The following BCR variants were observed in gnomAD, a reference collection of about 807,000 sequenced individuals.
BCR encodes the protein breakpoint cluster region protein.
BCR carries 58 observed loss-of-function variants against 138.6 expected under a neutral mutation model. The ratio of observed to expected loss-of-function variants is 0.42; its 90% CI spans 0.34 to 0.52. The LOEUF is 0.52. Among genes scored for constraint, BCR ranks in the 20% least tolerant of loss-of-function variants. The pLI, the probability that BCR is intolerant of heterozygous loss-of-function variation, is 0.06. For synonymous variants in BCR, 786 were observed against 730.1 expected, an observed-to-expected ratio of 1.08 and a Z score of -1.23; for missense variants, 1,599 against 1,727.2, an observed-to-expected ratio of 0.93 and a Z score of 1.32.
chr22:23,200,765 G>A (rs1602007586), intron 1 of BCR, among the ~76,000 whole-genome samples: 1 of 151,792 alleles, frequency 6.6e-6, no homozygotes, highest in Admixed American at 6.6e-5. Flanking sequence ...TCTTCATGTT[G>A]CCCGTGCCAG....
Position 23,290,429 on chromosome 22 carries a change from G to A in BCR, c.2782+16G>A. On this transcript the variant is annotated intron_variant, in intron 14 of 22. Transcript: ENST00000305877. The stretch of plus-strand genomic sequence containing the variant: ...CAGAGTTCAAGTAAGTACTGGTTTG[G>A]GGAGGAGGGTTGCAGCGGCCGAGCC... 6.2e-7 allele frequency: 1 copy of A among 1,612,786 alleles called. No individual in the cohort carries two copies.
At chr22:23,223,829 C>G (rs2072857719) in intron 1 of BCR, among the ~76,000 whole-genome samples, 1 of 152,164 alleles carries the variant, frequency 6.6e-6, no homozygotes, top group Admixed American at 6.5e-5. Flanking sequence ...ATTGCTGTCC[C>G]CCCTGTAATG....
In BCR at chr22:23,285,084, C is replaced by T; in HGVS notation, c.2289C>T (p.Ser763=). The part of the protein sequence containing the change: ...CKWYIPLTDL[S]FQMVDELEAV... ...GGTACATTCCGCTCACGGATCTCAG[C>T]TTCCAGATGGTGGATGAACTGGAGG... Residue 763 remains serine, a synonymous_variant, in exon 10 of 23, where the codon AGC becomes AGT. Coordinates refer to ENST00000305877, the MANE Select transcript of BCR (RefSeq NM_004327.4). The T allele has an allele frequency of 6.2e-7, 1 of 1,614,152 alleles. No homozygotes were observed. The highest frequency in any genetic ancestry group is 8.5e-7 in the Non-Finnish European group (1 of 1,180,026).
rs536535912 is a variant in BCR at position 23,236,293 on chromosome 22, G to A, written c.1280-17506G>A. Among the ~76,000 whole-genome samples the A allele has an allele frequency of 2.6e-5, 4 of 152,340 alleles. No individual in the cohort carries two copies. The South Asian group carries it at 8.3e-4, about 32-fold the overall frequency. ...CATGGCTACCTCCTCCCCACCTGCAGCCTCATCTCCACCCTGCCGCACTCT... is the reference window on the plus strand; with the variant it reads ...CATGGCTACCTCCTCCCCACCTGCAACCTCATCTCCACCCTGCCGCACTCT... On this transcript the variant is annotated intron_variant, in intron 1 of 22. Coordinates refer to ENST00000305877, the MANE Select transcript of BCR (RefSeq NM_004327.4).
rs201471497 is a variant in BCR, at chr22:23,181,664, C to T, written c.704C>T (p.Ser235Phe). The change falls in exon 1 of 23, where the codon TCC (serine) becomes TTC (phenylalanine). Residue 235 changes from serine (S) to phenylalanine (F), a missense_variant. Around this residue, in one of 4 missense-constraint regions of BCR, gnomAD observed 806 missense variants for 635.0 expected, o/e 1.27. Transcript: ENST00000305877. The part of the protein sequence containing the change: ...DASRPPYRGR[S>F]SESSCGVDGD... ...TCCAGGCCCCCTTACCGGGGACGCTCCTCGGAGAGCAGCTGCGGCGTCGAC... is the reference window on the plus strand; with the variant it reads ...TCCAGGCCCCCTTACCGGGGACGCTTCTCGGAGAGCAGCTGCGGCGTCGAC... 1.2e-5 allele frequency: 20 copies of T among 1,607,654 alleles called. No homozygotes were observed. Among genetic ancestry groups the T allele is most frequent in the Admixed American group, 6.7e-5 (4 of 60,016 alleles).
At chr22:23,297,156 C>T (rs558031498) in intron 16 of BCR, among the ~76,000 whole-genome samples, 1 of 151,780 alleles carries the variant, frequency 6.6e-6, no homozygotes, top group Admixed American at 6.6e-5. Flanking sequence ...TGTGCCCTAG[C>T]CTCCCAAGTT....
intron 16 of BCR, among the ~76,000 whole-genome samples, chr22:23,299,949 G>T (rs1054914742): frequency 6.6e-6 from 1 of 152,130 alleles, no homozygotes; most frequent in Non-Finnish European, 1.5e-5. Flanking sequence ...GTGCATCCCT[G>T]CACCATGGGC....
chr22:23,268,399 C>G lies in BCR; in HGVS notation c.1753-9C>G, dbSNP rs764315634. 3 of 1,603,530 alleles carry G rather than the reference C, an allele frequency of 1.9e-6. No individual in the cohort carries two copies. The highest frequency in any genetic ancestry group is 1.1e-5 in the South Asian group (1 of 89,310). ...CCTGTCCCACTCTCTCTTCCTTCCTCCCCCTCAGGCCAGCCAGCTGGGTGT... is the reference window on the plus strand; with the variant it reads ...CCTGTCCCACTCTCTCTTCCTTCCTGCCCCTCAGGCCAGCCAGCTGGGTGT... On this transcript the variant is annotated splice_polypyrimidine_tract_variant and intron_variant, in intron 4 of 22. Coordinates refer to ENST00000305877, the MANE Select transcript of BCR (RefSeq NM_004327.4).
intron 1 of BCR, chr22:23,242,752 G>C (rs1331217695): frequency 2.5e-6 from 1 of 408,156 alleles, no homozygotes; most frequent in Admixed American, 2.5e-5. Context: ...TTAGTGTCCT[G>C]TGGCTTCCTT....
At chr22:23,268,335 C>T (rs372378833) in intron 4 of BCR, 73 bp from the exon 5 acceptor site, 31 of 1,285,114 alleles carry the variant, frequency 2.4e-5, no homozygotes, top group East Asian at 2.0e-4. Context: ...GAGCTGTGCA[C>T]GGGAGCCTGC....
chr22:23,264,671 C>T (rs1394901512), intron 4 of BCR: 3 of 191,122 alleles, frequency 1.6e-5, no homozygotes, highest in African/African-American at 4.7e-5. Context: ...TCCTACACCC[C>T]TTATTAGAGC....
intron 11 of BCR, 132 bp from the exon 12 acceptor site, chr22:23,287,965 G>A (rs1039719610): frequency 1.4e-5 from 12 of 830,412 alleles, no homozygotes; most frequent in African/African-American, 3.3e-5. Flanking sequence ...ATGCCAGGCC[G>A]TGAGCACACC....
intron 1 of BCR, among the ~76,000 whole-genome samples, chr22:23,202,799 T>G (rs2146211205): frequency 6.6e-6 from 1 of 151,712 alleles, no homozygotes; most frequent in East Asian, 1.9e-4. Context: ...TTGGGTCATT[T>G]TAACCATTTT....
At chr22:23,251,113 T>G (rs1317747256) in intron 1 of BCR, 1 of 152,346 alleles carries the variant, frequency 6.6e-6, no homozygotes, top group East Asian at 1.9e-4. Context: ...GTCTTCCTAC[T>G]TTGGCTGCTA....
At chr22:23,312,016 C>T in intron 19 of BCR, 180 bp downstream of exon 19, 1 of 1,280,668 alleles carries the variant, frequency 7.8e-7, no homozygotes, top group Non-Finnish European at 1.0e-6. Context: ...CTGTAGAAAC[C>T]AGTTTTTAAA....
chr22:23,206,371 G>A (rs1020591231), intron 1 of BCR, among the ~76,000 whole-genome samples: 5 of 152,102 alleles, frequency 3.3e-5, no homozygotes, highest in South Asian at 2.1e-4. Context: ...TCAGGAGATC[G>A]GGACCATCCT....
chr22:23,285,126 C>T lies in BCR; in HGVS notation c.2331C>T (p.Pro777=), dbSNP rs747785166. The change falls in exon 10 of 23, where the codon CCC becomes CCT. Residue 777 remains proline, a synonymous_variant. Transcript: ENST00000305877. ...VDELEAVPNI[P]LVPDEELDAL... is the part of the protein sequence containing the mutation. ...AACTGGAGGCAGTGCCCAACATCCC[C>T]CTGGTGCCCGATGAGGAGCTGGACG... is the stretch of plus-strand genomic sequence containing the variant. 1 of 1,614,072 alleles carries T rather than the reference C, an allele frequency of 6.2e-7. No homozygotes were observed. Among genetic ancestry groups the T allele is most frequent in the South Asian group, 1.1e-5 (1 of 91,050 alleles).
At chr22:23,287,327 G>C (rs1450735872) in intron 11 of BCR, 49 bp downstream of exon 11, 1 of 1,482,798 alleles carries the variant, frequency 6.7e-7, no homozygotes, top group African/African-American at 1.4e-5. Flanking sequence ...CCTGGGATGG[G>C]CTCCTGGTTG....
intron 1 of BCR, among the ~76,000 whole-genome samples, chr22:23,187,485 TTC>T (rs112466422): frequency 2.2e-4 from 32 of 145,648 alleles, no homozygotes; most frequent in East Asian, 1.2e-3. Context: ...CTCCTTCTCT[TTC>T]TCTCTCTCTC....
Sources: gnomAD v4.1 joint callset for allele counts (sites outside exome capture counted in the v4.1 genomes callset) on GRCh38, gnomAD v4.1.1 for gene constraint, gnomAD v4.1.1 regional missense constraint, MANE v1.5 for transcripts, NCBI Gene and HGNC (gene_info 2026-07-23, HGNC 2026-07-21) for gene names.